Variants in LPP observed in about 807,000 individuals in gnomAD.
The protein encoded by LPP is lipoma-preferred partner.
LPP carries 38 observed loss-of-function variants against 60.4 expected under a neutral mutation model. The ratio of observed to expected loss-of-function variants is 0.63; its 90% CI spans 0.49 to 0.83. The LOEUF (loss-of-function observed/expected upper bound fraction) is 0.83, where lower values mean the gene tolerates loss of function less well. Ranked by LOEUF, LPP falls within the 40% of genes least tolerant of loss-of-function variation. The pLI, the probability that LPP is intolerant of heterozygous loss-of-function variation, is 0.00. For synonymous variants in LPP, 328 were observed against 290.8 expected (o/e 1.13, Z -1.30); for missense variants, 902 against 783.6 (o/e 1.15, Z -1.80).
At chr3:188,633,193 CTG>C (rs1848153509) in intron 7 of LPP, among the ~76,000 whole-genome samples, 1 of 152,196 alleles carries the variant, frequency 6.6e-6, no homozygotes, top group Admixed American at 6.5e-5. Flanking sequence ...GAACAGGGAA[CTG>C]TGTAGTAAAA....
intron 7 of LPP, among the ~76,000 whole-genome samples, chr3:188,685,003 C>A (rs1272189973): frequency 6.6e-6 from 1 of 152,228 alleles, no homozygotes; most frequent in Non-Finnish European, 1.5e-5. Context: ...ATGTCAAGCA[C>A]TGTTCCATGT....
At chr3:188,589,320 C>T (rs976833430) in intron 6 of LPP, among the ~76,000 whole-genome samples, 14 of 152,066 alleles carry the variant, frequency 9.2e-5, no homozygotes, top group Non-Finnish European at 1.8e-4. Context: ...TATTGAGTTT[C>T]TTCCCTAATT....
At chr3:188,576,196 G>A (rs534329061) in intron 6 of LPP, among the ~76,000 whole-genome samples, 134 of 152,158 alleles carry the variant, frequency 8.8e-4, no homozygotes, top group Admixed American at 3.0e-3. Context: ...CTTCTAATAG[G>A]GCAGGAATTT....
intron 3 of LPP, among the ~76,000 whole-genome samples, chr3:188,399,782 G>A (rs550015277): frequency 9.9e-5 from 15 of 152,256 alleles, no homozygotes; most frequent in African/African-American, 2.9e-4. Context: ...ATGATGTAAC[G>A]GTTGTTTGTT....
At chr3:188,212,300 G>T (rs1050964590) in intron 1 of LPP, among the ~76,000 whole-genome samples, 9 of 152,188 alleles carry the variant, frequency 5.9e-5, no homozygotes, top group African/African-American at 1.9e-4. Flanking sequence ...ATTCTGGATG[G>T]TCTCATTCTT....
intron 2 of LPP, among the ~76,000 whole-genome samples, chr3:188,238,375 CTTT>C (rs199984318): frequency 6.8e-6 from 1 of 146,428 alleles, no homozygotes; most frequent in Non-Finnish European, 1.5e-5. Context: ...CCTTTATGAA[CTTT>C]TTTTTTTTTG....
At position 188,616,387 on chromosome 3, in the gene LPP, G is replaced by T. The variant is rs557863466; in HGVS notation, c.1113+6543G>T. On this transcript the variant is annotated intron_variant, in intron 7 of 11. Transcript: ENST00000617246. The stretch of plus-strand genomic sequence containing the variant: ...TTTTTGTCAGGTTTGTCGAAGATCA[G>T]ATGGTTGTAGATGTGTGGTGTAATT... Among the ~76,000 whole-genome samples, 15 of 152,296 alleles carry T rather than the reference G, an allele frequency of 9.8e-5. No individual in the cohort carries two copies. The South Asian group carries it at 1.7e-3, about 17-fold the overall frequency.
chr3:188,559,092 C>G (rs1445957691), intron 6 of LPP, among the ~76,000 whole-genome samples: 1 of 152,052 alleles, frequency 6.6e-6, no homozygotes, highest in African/African-American at 2.4e-5. Flanking sequence ...CTGTCTAGGC[C>G]TTAGTCTCCC....
At chr3:188,325,684 A>G (rs1234661090) in intron 2 of LPP, among the ~76,000 whole-genome samples, 1 of 152,146 alleles carries the variant, frequency 6.6e-6, no homozygotes, top group Non-Finnish European at 1.5e-5. Flanking sequence ...GGCACACTGT[A>G]TGGTAAATTA....
At chr3:188,674,802 A>G (rs1576970149) in intron 7 of LPP, among the ~76,000 whole-genome samples, 1 of 152,206 alleles carries the variant, frequency 6.6e-6, no homozygotes, top group East Asian at 1.9e-4. Flanking sequence ...CTCTGACTTC[A>G]AAGTCTATGC....
At chr3:188,805,998 A>G (rs535985693) in intron 9 of LPP, among the ~76,000 whole-genome samples, 2 of 152,000 alleles carry the variant, frequency 1.3e-5, no homozygotes, top group East Asian at 3.9e-4. Context: ...TGCTAGAAAT[A>G]TGGTATATCT....
At position 188,703,656 on chromosome 3, in the gene LPP, A is replaced by G. The variant is rs1864919842; in HGVS notation, c.1114-4611A>G. Among the ~76,000 whole-genome samples the G allele has an allele frequency of 2.0e-5, 3 of 152,346 alleles. No homozygotes were observed. The South Asian group carries it at 6.2e-4, about 32-fold the overall frequency. On this transcript the variant is annotated intron_variant, in intron 7 of 11. Transcript: ENST00000617246. ...CATCATAAGAAAAAAACAGGAATCC[A>G]TAATTAGCATTAGATAAAAGAGTAG...
chr3:188,850,661 T>C (rs1351565572), intron 9 of LPP, among the ~76,000 whole-genome samples: 5 of 152,164 alleles, frequency 3.3e-5, no homozygotes, highest in African/African-American at 9.7e-5. Context: ...GTAGAGAAGA[T>C]AGTCTGACCG....
intron 7 of LPP, among the ~76,000 whole-genome samples, chr3:188,689,379 A>G (rs182190255): frequency 9.2e-5 from 14 of 152,334 alleles, no homozygotes; most frequent in Admixed American, 9.1e-4. Flanking sequence ...TTATTTCACC[A>G]AGGGCAACAA....
At chr3:188,456,807 G>A (rs140808054) in intron 4 of LPP, among the ~76,000 whole-genome samples, 4 of 152,300 alleles carry the variant, frequency 2.6e-5, no homozygotes, top group Admixed American at 1.3e-4. Context: ...AAATAAATGC[G>A]TGGAGTGACA....
At chr3:188,337,403 A>G (rs1761955349) in intron 2 of LPP, among the ~76,000 whole-genome samples, 1 of 152,278 alleles carries the variant, frequency 6.6e-6, no homozygotes, top group South Asian at 2.1e-4. Context: ...ATGAGACTCC[A>G]TGGGTGAGGT....
chr3:188,354,836 G>GACAC (rs59234691), intron 3 of LPP, among the ~76,000 whole-genome samples: 6,230 of 151,456 alleles, frequency 0.041, 159 homozygotes, highest in Non-Finnish European at 0.06. Context: ...CACACACACA[G>GACAC]ACACACACAC....
chr3:188,228,776 AC>A (rs1718771413), intron 2 of LPP, among the ~76,000 whole-genome samples: 1 of 152,062 alleles, frequency 6.6e-6, no homozygotes, highest in Non-Finnish European at 1.5e-5. Context: ...ACATCCCTTC[AC>A]CCTTATTTTT....
intron 2 of LPP, among the ~76,000 whole-genome samples, chr3:188,313,852 T>C (rs926868649): frequency 1.3e-5 from 2 of 152,140 alleles, no homozygotes; most frequent in African/African-American, 4.8e-5. Flanking sequence ...CTGTTTCTAA[T>C]AAGTTAATTT....
Sources: gnomAD v4.1 joint callset for allele counts (sites outside exome capture counted in the v4.1 genomes callset) on GRCh38, gnomAD v4.1.1 for gene constraint, MANE v1.5 for transcripts, NCBI Gene and HGNC (gene_info 2026-07-23, HGNC 2026-07-21) for gene names.